SEMA3C: variants seen among roughly 807,000 people sequenced by gnomAD.
SEMA3C encodes semaphorin-3C.
A neutral mutation model predicts 89.4 loss-of-function variants in SEMA3C; 47 were observed. The ratio of observed to expected loss-of-function variants is 0.53; its 90% CI spans 0.42 to 0.67. The LOEUF (loss-of-function observed/expected upper bound fraction) is 0.67. Among genes scored for constraint, SEMA3C ranks in the 30% least tolerant of loss-of-function variants. The probability of loss-of-function intolerance (pLI) is 0.00; values close to 1 mark genes in which losing one functional copy is unlikely to be tolerated. For missense variants in SEMA3C, 839 were observed against 929.1 expected, an observed-to-expected ratio of 0.90 and a Z score of 1.26; for synonymous variants, 310 against 320.2, an observed-to-expected ratio of 0.97 and a Z score of 0.34.
intron 11 of SEMA3C, among the ~76,000 whole-genome samples, chr7:80,789,963 C>T (rs1788897519): frequency 6.6e-6 from 1 of 152,072 alleles, no homozygotes; most frequent in African/African-American, 2.4e-5. Context: ...TTTATTTCAT[C>T]TGATCTGCCC....
intron 2 of SEMA3C, among the ~76,000 whole-genome samples, chr7:80,861,289 T>C (rs1003658954): frequency 3.0e-4 from 45 of 152,200 alleles, no homozygotes; most frequent in African/African-American, 1.1e-3. Context: ...CTAGATCAAC[T>C]AGTTCTGAAA....
rs543244658 is a variant in SEMA3C, at chr7:80,889,405, C to T, written c.103+27274G>A. ...TCTTTCTGCGTTATGAATAAATCTT[C>T]AAATAATTACTTATTAAACATAATT... On this transcript the variant is annotated intron_variant, in intron 2 of 17. Coordinates refer to ENST00000265361, the MANE Select transcript of SEMA3C (RefSeq NM_006379.5). 5.3e-5 allele frequency among the ~76,000 whole-genome samples: 8 copies of T among 152,240 alleles called. No individual in the cohort carries two copies. In the South Asian group the frequency reaches 1.5e-3, roughly 28 times the overall value.
At chr7:80,758,650 A>G (rs1788120295) in intron 14 of SEMA3C, among the ~76,000 whole-genome samples, 162 bp from the exon 15 acceptor site, 1 of 152,222 alleles carries the variant, frequency 6.6e-6, no homozygotes, top group Non-Finnish European at 1.5e-5. Flanking sequence ...AAATAAATAG[A>G]ATTTTCCTAC....
chr7:80,884,348 CAT>C (rs1275738711), intron 2 of SEMA3C, among the ~76,000 whole-genome samples: 1 of 152,162 alleles, frequency 6.6e-6, no homozygotes, highest in Non-Finnish European at 1.5e-5. Context: ...TTGACTCTAA[CAT>C]AGAGGACTTT....
intron 2 of SEMA3C, among the ~76,000 whole-genome samples, chr7:80,889,255 A>G (rs1048836960): frequency 5.9e-5 from 9 of 152,220 alleles, no homozygotes; most frequent in African/African-American, 9.6e-5. Flanking sequence ...TTATTATTAT[A>G]TTCTTTTAGG....
At chr7:80,911,108 T>C (rs1308578480) in intron 2 of SEMA3C, among the ~76,000 whole-genome samples, 1 of 152,148 alleles carries the variant, frequency 6.6e-6, no homozygotes, top group African/African-American at 2.4e-5. Flanking sequence ...TGGGATGATA[T>C]AGGGAATGAA....
intron 2 of SEMA3C, among the ~76,000 whole-genome samples, chr7:80,857,721 T>C (rs866818670): frequency 1.3e-5 from 2 of 152,140 alleles, no homozygotes; most frequent in African/African-American, 4.8e-5. Context: ...AGGAGAGTAA[T>C]ATTGGGGAAA....
At chr7:80,767,910 A>G (rs1788340078) in intron 12 of SEMA3C, among the ~76,000 whole-genome samples, 2 of 152,220 alleles carry the variant, frequency 1.3e-5, no homozygotes, top group Admixed American at 6.5e-5. Context: ...TGAAAGAGTC[A>G]AAGTAATTCT....
intron 11 of SEMA3C, among the ~76,000 whole-genome samples, chr7:80,794,279 C>A (rs999871943): frequency 2.0e-5 from 3 of 152,052 alleles, no homozygotes; most frequent in Non-Finnish European, 4.4e-5. Context: ...TTTTTAATCC[C>A]TTTTCAAATC....
At chr7:80,888,872 TTTTTC>T (rs1791544952) in intron 2 of SEMA3C, among the ~76,000 whole-genome samples, 1 of 152,150 alleles carries the variant, frequency 6.6e-6, no homozygotes, top group African/African-American at 2.4e-5. Flanking sequence ...TTTTAATTTT[TTTTTC>T]TTTTGAGATG....
chr7:80,789,280 AG>A, intron 12 of SEMA3C, 25 bp downstream of exon 12: 1 of 1,578,900 alleles, frequency 6.3e-7, no homozygotes. Context: ...TACACATTAA[AG>A]CATATCTTGG....
chr7:80,872,062 G>A (rs966376504), intron 2 of SEMA3C, among the ~76,000 whole-genome samples: 1 of 151,794 alleles, frequency 6.6e-6, no homozygotes, highest in Non-Finnish European at 1.5e-5. Flanking sequence ...TCATATTCAC[G>A]GCCTTGTATG....
chr7:80,844,030 T>C (rs1380859618), intron 2 of SEMA3C, among the ~76,000 whole-genome samples: 1 of 152,144 alleles, frequency 6.6e-6, no homozygotes, highest in Non-Finnish European at 1.5e-5. Context: ...CCATTAAATA[T>C]ATAAGAATAC....
Position 80,802,755 on chromosome 7 carries a change from G to A in SEMA3C, c.826C>T (p.Leu276Phe), listed in dbSNP as rs1316748366. ...CPNDTGGLRS[L>F]VNKWTTFLKA... ...AAGAAAGTGGTCCACTTGTTGACAA[G>A]GCTACGCAGTCCACCAGTGTCATTC... is the stretch of plus-strand genomic sequence containing the variant. The change falls in exon 9 of 18, where the codon CTT becomes TTT. Residue 276 changes from leucine to phenylalanine, a missense_variant. Leu to Phe is a conservative substitution (Grantham distance 22). Coordinates refer to ENST00000265361, the MANE Select transcript of SEMA3C (RefSeq NM_006379.5). 2 of 1,612,928 alleles carry A rather than the reference G, an allele frequency of 1.2e-6. No individual in the cohort carries two copies. Among genetic ancestry groups the A allele is most frequent in the Non-Finnish European group, 8.5e-7 (1 of 1,179,120 alleles).
chr7:80,863,755 T>A (rs1481954098), intron 2 of SEMA3C, among the ~76,000 whole-genome samples: 1 of 135,626 alleles, frequency 7.4e-6, no homozygotes, highest in African/African-American at 2.9e-5. Context: ...TATTCCATCA[T>A]ATATATAGTA....
chr7:80,921,028 T>C (rs1162156741), upstream of SEMA3C, among the ~76,000 whole-genome samples: 1 of 152,228 alleles, frequency 6.6e-6, no homozygotes, highest in Non-Finnish European at 1.5e-5. Context: ...TTATACATTT[T>C]AAGTTTGAGA....
At chr7:80,801,410 C>T (rs1390049124) in intron 9 of SEMA3C, among the ~76,000 whole-genome samples, 1 of 151,954 alleles carries the variant, frequency 6.6e-6, no homozygotes, top group African/African-American at 2.4e-5. Context: ...GCTCCTCTAA[C>T]AAAAAGATGT....
intron 2 of SEMA3C, among the ~76,000 whole-genome samples, chr7:80,850,094 A>G (rs1790477074): frequency 2.0e-5 from 3 of 152,216 alleles, no homozygotes; most frequent in Admixed American, 1.3e-4. Context: ...CTATAGTTAC[A>G]TGACCGGCTC....
intron 12 of SEMA3C, among the ~76,000 whole-genome samples, chr7:80,770,028 C>T (rs543719032): frequency 1.1e-4 from 16 of 152,126 alleles, no homozygotes; most frequent in East Asian, 1.9e-4. Context: ...GGTATCCTTG[C>T]GCTGTATCAT....
Sources: allele counts gnomAD v4.1 joint callset (sites outside exome capture counted in the v4.1 genomes callset), GRCh38; gene constraint gnomAD v4.1.1; transcripts MANE v1.5; gene names NCBI Gene and HGNC (gene_info 2026-07-23, HGNC 2026-07-21).